Variants in CLXN observed in about 807,000 individuals in gnomAD.
CLXN encodes the protein EF-hand calcium binding domain 1.
At chr8:48,727,748 T>C in the CLXN span, among the ~76,000 whole-genome samples, 1 of 152,040 alleles carries the variant, frequency 6.6e-6, no homozygotes, top group Non-Finnish European at 1.5e-5. Context: ...CTGGACATTG[T>C]TGAGAAAAGT....
chr8:48,725,745 G>A, the CLXN span, among the ~76,000 whole-genome samples: 10 of 151,906 alleles, frequency 6.6e-5, no homozygotes, highest in South Asian at 2.1e-4. Flanking sequence ...CGGAGGTTGC[G>A]GTGAGCCGAG....
the CLXN span, among the ~76,000 whole-genome samples, chr8:48,728,730 T>C: frequency 2.6e-5 from 4 of 152,242 alleles, no homozygotes; most frequent in Non-Finnish European, 5.9e-5. Flanking sequence ...TGTATCATAC[T>C]CTTGTGTAAT....
chr8:48,717,216 G>A, the CLXN span, among the ~76,000 whole-genome samples: 1 of 151,888 alleles, frequency 6.6e-6, no homozygotes, highest in East Asian at 1.9e-4. Flanking sequence ...CCCCAAGAAG[G>A]GTACAATGAG....
At chr8:48,718,895 C>T in the CLXN span, among the ~76,000 whole-genome samples, 1 of 151,314 alleles carries the variant, frequency 6.6e-6, no homozygotes, top group East Asian at 1.9e-4. Context: ...CTCAAAAAAC[C>T]AGAAGAAAAG....
the CLXN span, among the ~76,000 whole-genome samples, chr8:48,730,910 G>A: frequency 6.6e-6 from 1 of 151,822 alleles, no homozygotes; most frequent in Non-Finnish European, 1.5e-5. Context: ...TAAATATGTT[G>A]CTATAAAATA....
the CLXN span, among the ~76,000 whole-genome samples, chr8:48,725,043 G>C: frequency 5.9e-5 from 9 of 152,196 alleles, no homozygotes; most frequent in Non-Finnish European, 1.2e-4. Context: ...TCTCCAGCCT[G>C]GTGGCAGAGA....
chr8:48,732,997 T>C, the CLXN span, among the ~76,000 whole-genome samples: 6 of 152,118 alleles, frequency 3.9e-5, no homozygotes, highest in African/African-American at 1.4e-4. Flanking sequence ...CTGGGAACAA[T>C]GAACAAGTTA....
chr8:48,719,648 A>G, the CLXN span, among the ~76,000 whole-genome samples: 3 of 152,230 alleles, frequency 2.0e-5, no homozygotes, highest in Non-Finnish European at 4.4e-5. Context: ...CAACACAATA[A>G]CAAAAAGGAA....
chr8:48,730,740 C>T, the CLXN span: 1 of 628,924 alleles, frequency 1.6e-6, no homozygotes, highest in Non-Finnish European at 2.7e-6. Flanking sequence ...ATTAAGAGAA[C>T]ACTTCAGCTT....
the CLXN span, among the ~76,000 whole-genome samples, chr8:48,722,960 A>G: frequency 6.6e-6 from 1 of 152,186 alleles, no homozygotes; most frequent in East Asian, 1.9e-4. Context: ...ATAGCAGGAT[A>G]GAGTAGAATG....
the CLXN span, chr8:48,730,473 A>T: frequency 9.3e-7 from 1 of 1,072,826 alleles, no homozygotes; most frequent in Non-Finnish European, 1.3e-6. Flanking sequence ...GTTGAAAGAC[A>T]CTGATTTAAG....
chr8:48,718,083 C>T, the CLXN span, among the ~76,000 whole-genome samples: 1 of 152,054 alleles, frequency 6.6e-6, no homozygotes, highest in African/African-American at 2.4e-5. Flanking sequence ...ACGCTGTCTA[C>T]AAGAGACTTG....
At chr8:48,714,828 G>A in the CLXN span, 1 of 152,168 alleles carries the variant, frequency 6.6e-6, no homozygotes, top group Non-Finnish European at 1.5e-5. Flanking sequence ...TTCCAAGAAA[G>A]TAAGCACTGT....
the CLXN span, chr8:48,712,138 C>T: frequency 6.6e-6 from 1 of 152,314 alleles, no homozygotes; most frequent in South Asian, 2.1e-4. Flanking sequence ...ATTATTTCTG[C>T]TGGGAGGCAG....
chr8:48,730,466 G>T, the CLXN span: 3 of 987,248 alleles, frequency 3.0e-6, no homozygotes, highest in Non-Finnish European at 3.0e-6. Flanking sequence ...TGTCTTGGTT[G>T]AAAGACACTG....
At chr8:48,720,608 G>A in the CLXN span, among the ~76,000 whole-genome samples, 1 of 152,120 alleles carries the variant, frequency 6.6e-6, no homozygotes, top group African/African-American at 2.4e-5. Flanking sequence ...AAGACAATAC[G>A]TGCACCACTG....
At chr8:48,725,837 A>ATAAT in the CLXN span, among the ~76,000 whole-genome samples, 13 of 151,904 alleles carry the variant, frequency 8.6e-5, no homozygotes, top group East Asian at 2.1e-3. Flanking sequence ...AAATAAATAA[A>ATAAT]TAAATAATAA....
chr8:48,727,647 G>C, the CLXN span, among the ~76,000 whole-genome samples: 1 of 152,154 alleles, frequency 6.6e-6, no homozygotes, highest in Non-Finnish European at 1.5e-5. Flanking sequence ...TGTGGGTGGA[G>C]AGAGGGAAAT....
the CLXN span, chr8:48,734,991 T>A: frequency 7.4e-7 from 1 of 1,348,066 alleles, no homozygotes; most frequent in Non-Finnish European, 1.0e-6. Context: ...GCCCACAGAG[T>A]CCCAGCAGGC....
Sources: allele counts gnomAD v4.1 joint callset (sites outside exome capture counted in the v4.1 genomes callset), GRCh38; gene constraint gnomAD v4.1.1; transcripts MANE v1.5; gene names NCBI Gene and HGNC (gene_info 2026-07-23, HGNC 2026-07-21).